CDH12: variants seen among roughly 807,000 people sequenced by gnomAD.
CDH12 encodes cadherin 12.
CDH12 carries 41 observed loss-of-function variants against 74.1 expected under a neutral mutation model. That is an observed-to-expected ratio of 0.55 (90% confidence interval 0.43 to 0.72). The LOEUF is 0.72. Ranked by LOEUF, CDH12 falls within the 30% of genes least tolerant of loss-of-function variation. The pLI, the probability that CDH12 is intolerant of heterozygous loss-of-function variation, is 0.00. For missense variants in CDH12, 945 were observed against 977.2 expected (o/e 0.97, Z 0.44); for synonymous variants, 399 against 355.0 (o/e 1.12, Z -1.39).
At chr5:21,786,879 C>T (rs986589573) in intron 10 of CDH12, among the ~76,000 whole-genome samples, 1 of 152,054 alleles carries the variant, frequency 6.6e-6, no homozygotes, top group African/African-American at 2.4e-5. Context: ...CTTTGAGGGG[C>T]CAAGATTTCA....
chr5:22,823,306 C>T (rs190246555), intron 1 of CDH12, among the ~76,000 whole-genome samples: 1,661 of 151,878 alleles, frequency 0.011, 40 homozygotes, highest in African/African-American at 0.039. Flanking sequence ...ATGGGTGCAG[C>T]GCACCAGCAT....
intron 2 of CDH12, among the ~76,000 whole-genome samples, chr5:22,437,966 C>G (rs967726226): frequency 2.6e-5 from 4 of 151,900 alleles, no homozygotes; most frequent in African/African-American, 7.2e-5. Flanking sequence ...TTCAATAGAG[C>G]CTTGTTTGGG....
intron 2 of CDH12, among the ~76,000 whole-genome samples, chr5:22,488,197 C>T: frequency 6.6e-6 from 1 of 152,180 alleles, no homozygotes; most frequent in East Asian, 1.9e-4. Context: ...CAAAATCTGC[C>T]AATATTCGTT....
At chr5:22,769,562 T>C (rs1054315285) in intron 1 of CDH12, among the ~76,000 whole-genome samples, 1 of 152,062 alleles carries the variant, frequency 6.6e-6, no homozygotes, top group Non-Finnish European at 1.5e-5. Flanking sequence ...ATCGTGGGAC[T>C]TCGCCCTGTG....
intron 1 of CDH12, among the ~76,000 whole-genome samples, chr5:22,536,732 G>T (rs1181240810): frequency 1.3e-5 from 2 of 152,146 alleles, no homozygotes; most frequent in African/African-American, 4.8e-5. Context: ...TAAACTAGTG[G>T]TGAACAGCTC....
At chr5:22,149,543 C>T (rs981149444) in intron 4 of CDH12, among the ~76,000 whole-genome samples, 3 of 152,142 alleles carry the variant, frequency 2.0e-5, no homozygotes, top group African/African-American at 7.2e-5. Context: ...CAGTGCTTTC[C>T]CTGATTAGTT....
At chr5:22,068,863 C>T (rs994641316) in intron 5 of CDH12, among the ~76,000 whole-genome samples, 1 of 152,194 alleles carries the variant, frequency 6.6e-6, no homozygotes, top group Non-Finnish European at 1.5e-5. Context: ...CAACAACACA[C>T]AGACTTCCAC....
intron 2 of CDH12, among the ~76,000 whole-genome samples, chr5:22,406,629 A>G (rs1241103729): frequency 6.6e-6 from 1 of 152,190 alleles, no homozygotes; most frequent in East Asian, 1.9e-4. Context: ...AGCCAATTAC[A>G]TGCAAAAACA....
intron 1 of CDH12, among the ~76,000 whole-genome samples, chr5:22,647,689 A>G (rs1453333192): frequency 6.6e-6 from 1 of 151,922 alleles, no homozygotes; most frequent in Middle Eastern, 3.2e-3. Flanking sequence ...TTTCAAATAT[A>G]GTCACACTAG....
Position 22,372,677 on chromosome 5 carries a change from C to T in CDH12, c.-333+32580G>A, listed in dbSNP as rs567411085. 2.6e-5 allele frequency among the ~76,000 whole-genome samples: 4 copies of T among 152,218 alleles called. No homozygotes were observed. In the East Asian group the frequency reaches 7.8e-4, roughly 30 times the overall value. On this transcript the variant is annotated intron_variant, in intron 3 of 14. Coordinates refer to ENST00000382254, the MANE Select transcript of CDH12 (RefSeq NM_004061.5). ...TGATGCTTCGGGCTGTTGTGGCACC[C>T]AGACACAGAGAAACTGTAAGCCCGT...
At chr5:21,797,868 T>G (rs530616765) in intron 10 of CDH12, among the ~76,000 whole-genome samples, 1 of 152,260 alleles carries the variant, frequency 6.6e-6, no homozygotes, top group South Asian at 2.1e-4. Context: ...CATGTTTTTC[T>G]TAATATTTTG....
At chr5:22,254,823 T>C (rs982518701) in intron 3 of CDH12, among the ~76,000 whole-genome samples, 1 of 151,894 alleles carries the variant, frequency 6.6e-6, no homozygotes, top group Non-Finnish European at 1.5e-5. Flanking sequence ...ATACCATGTG[T>C]AATGATTAAA....
At chr5:21,877,938 T>C (rs116721244) in intron 6 of CDH12, among the ~76,000 whole-genome samples, 1,676 of 152,322 alleles carry the variant, frequency 0.011, 31 homozygotes, top group African/African-American at 0.038. Context: ...GAACTTATTA[T>C]AGCAGTTCAC....
At chr5:22,706,056 C>T (rs1234196811) in intron 1 of CDH12, among the ~76,000 whole-genome samples, 1 of 151,964 alleles carries the variant, frequency 6.6e-6, no homozygotes, top group Non-Finnish European at 1.5e-5. Context: ...AATGTATTTG[C>T]ACAATTGGTA....
chr5:22,009,510 C>T (rs145485969), intron 5 of CDH12, among the ~76,000 whole-genome samples: 7,406 of 152,054 alleles, frequency 0.049, 226 homozygotes, highest in African/African-American at 0.083. Flanking sequence ...TTAGAACTGA[C>T]GAGTAAGTAG....
At chr5:22,765,680 G>C (rs190286799) in intron 1 of CDH12, among the ~76,000 whole-genome samples, 114 of 151,906 alleles carry the variant, frequency 7.5e-4, no homozygotes, top group Non-Finnish European at 1.2e-3. Flanking sequence ...ATCGGTAACA[G>C]ATTTTTTTTC....
At chr5:22,682,219 G>C (rs1297862218) in intron 1 of CDH12, among the ~76,000 whole-genome samples, 2 of 151,996 alleles carry the variant, frequency 1.3e-5, no homozygotes, top group African/African-American at 2.4e-5. Context: ...TTACAATACA[G>C]ACTGCTTAAG....
intron 4 of CDH12, among the ~76,000 whole-genome samples, chr5:22,170,711 T>A (rs1382208694): frequency 6.6e-6 from 1 of 151,886 alleles, no homozygotes; most frequent in Non-Finnish European, 1.5e-5. Context: ...TCAGTTAACA[T>A]TGTACAATCT....
Position 22,212,568 on chromosome 5 carries a change from C to T in CDH12, c.-257G>A. On this transcript the variant is annotated 5_prime_UTR_variant, in exon 4 of 15. Transcript: ENST00000382254. The stretch of plus-strand genomic sequence containing the variant: ...TCAACCGTGAATGGGGTGGGGAGAT[C>T]GAAGTTTTCAATCAACACCCTCCAA... 1.0e-6 allele frequency: 1 copy of T among 985,212 alleles called. No individual in the cohort carries two copies. The highest frequency in any genetic ancestry group is 1.2e-6 in the Non-Finnish European group (1 of 829,406). 61.0% of individuals were successfully genotyped at this position (985,212 alleles called of 1,614,324 possible).
Sources: gnomAD v4.1 joint callset for allele counts (sites outside exome capture counted in the v4.1 genomes callset) on GRCh38, gnomAD v4.1.1 for gene constraint, MANE v1.5 for transcripts, NCBI Gene and HGNC (gene_info 2026-07-23, HGNC 2026-07-21) for gene names.